MLIP: variants seen among roughly 807,000 people sequenced by gnomAD.
The protein encoded by MLIP is muscular LMNA-interacting protein.
A neutral mutation model predicts 84.8 loss-of-function variants in MLIP; 79 were observed. The ratio of observed to expected loss-of-function variants is 0.93; its 90% CI spans 0.78 to 1.12. MLIP has a LOEUF of 1.12. Ranked by LOEUF, MLIP falls within the 50% of genes most tolerant of loss-of-function variation. The pLI is 0.00. For synonymous variants in MLIP, 504 were observed against 463.0 expected (o/e 1.09, Z -1.14); for missense variants, 1,257 against 1,160.6 (o/e 1.08, Z -1.21).
chr6:54,066,120 TTTTCCTTTA>T, intron 1 of MLIP, among the ~76,000 whole-genome samples: 1 of 99,634 alleles, frequency 1.0e-5, no homozygotes, highest in South Asian at 3.5e-4. Flanking sequence ...TGTTTTTGTA[TTTTCCTTTA>T]AACTGCTGTT....
In MLIP at chr6:54,122,992, C is replaced by T. The variant is rs1263206222; in HGVS notation, c.252+1390C>T. On this transcript the variant is annotated intron_variant, in intron 2 of 13. Coordinates refer to ENST00000502396, the MANE Select transcript of MLIP (RefSeq NM_001281747.2). Reference sequence around the variant, plus strand: ...TGTCGCCCAGGCTAGAGTGCAGTGGCGCGATCTCGGCTCACTGCAAGCTCC... The same window carrying T: ...TGTCGCCCAGGCTAGAGTGCAGTGGTGCGATCTCGGCTCACTGCAAGCTCC... Among the ~76,000 whole-genome samples, 6 of 151,168 alleles carry T rather than the reference C, an allele frequency of 4.0e-5. No homozygotes were observed. The South Asian group carries it at 1.0e-3, about 26-fold the overall frequency.
intron 1 of MLIP, among the ~76,000 whole-genome samples, chr6:54,021,032 A>G (rs181790400): frequency 6.6e-5 from 10 of 152,328 alleles, no homozygotes; most frequent in Admixed American, 2.6e-4. Flanking sequence ...TCTATTTAAG[A>G]GAGTTGGAAA....
intron 8 of MLIP, 130 bp downstream of exon 8, chr6:54,160,929 G>T (rs949145633): frequency 1.9e-5 from 14 of 721,404 alleles, no homozygotes; most frequent in South Asian, 1.9e-5. Flanking sequence ...CTTTTTTGTA[G>T]AATTTTAAAG....
intron 3 of MLIP, among the ~76,000 whole-genome samples, chr6:54,133,225 TA>T (rs1561963804): frequency 6.6e-6 from 1 of 152,132 alleles, no homozygotes; most frequent in African/African-American, 2.4e-5. Flanking sequence ...GATCAGATTT[TA>T]AAAGTTCAAT....
intron 3 of MLIP, among the ~76,000 whole-genome samples, chr6:54,129,282 G>A (rs1210022402): frequency 6.6e-6 from 1 of 152,044 alleles, no homozygotes; most frequent in African/African-American, 2.4e-5. Context: ...TAGCCTTCAT[G>A]TGTCTGTCTT....
intron 5 of MLIP, among the ~76,000 whole-genome samples, chr6:54,149,507 G>T (rs1479062279): frequency 6.6e-6 from 1 of 152,146 alleles, no homozygotes; most frequent in Non-Finnish European, 1.5e-5. Context: ...GGGATTGTTT[G>T]TGAACAGTTG....
chr6:54,237,327 G>T (rs535922028), intron 12 of MLIP, among the ~76,000 whole-genome samples: 1 of 151,934 alleles, frequency 6.6e-6, no homozygotes, highest in East Asian at 2.0e-4. Flanking sequence ...TTGAGGAGAG[G>T]GGGTGGGGCA....
chr6:54,139,473 C>G (rs1223872676), intron 4 of MLIP, among the ~76,000 whole-genome samples: 1 of 152,106 alleles, frequency 6.6e-6, no homozygotes, highest in Non-Finnish European at 1.5e-5. Context: ...ACCAAATATA[C>G]AGAAGATGAT....
rs1405530052 is a variant in MLIP, at chr6:54,064,053, A to C, written c.63+44962A>C. Among the ~76,000 whole-genome samples the C allele has an allele frequency of 2.0e-5, 2 of 100,174 alleles. 1 individual carries two copies. The highest frequency in any genetic ancestry group is 5.3e-4 in the East Asian group (2 of 3,756). The allele number at this position is 100,174 out of a possible 152,430, so 65.7% of individuals were successfully genotyped here. A position where few individuals can be genotyped will look rare whatever the true frequency, so the allele number is the denominator to read the frequency against. ...GATGATCCTTATTTTCTAACTACTA[A>C]AAATTATTGGTTTTAGTTTGGAAAT... On this transcript the variant is annotated intron_variant, in intron 1 of 12. Coordinates refer to the MLIP transcript ENST00000274897.
chr6:54,247,661 C>T (rs1304128499), intron 12 of MLIP, among the ~76,000 whole-genome samples: 1 of 152,036 alleles, frequency 6.6e-6, no homozygotes, highest in Non-Finnish European at 1.5e-5. Flanking sequence ...GGAATGTGGC[C>T]CAATGCCAGG....
chr6:54,186,592 T>C (rs1777418237), intron 9 of MLIP, among the ~76,000 whole-genome samples: 2 of 152,066 alleles, frequency 1.3e-5, no homozygotes, highest in Admixed American at 1.3e-4. Flanking sequence ...TGGGAGAAAA[T>C]GAAGGAGAAG....
chr6:54,215,210 G>A (rs555470687), intron 11 of MLIP: 6 of 1,534,286 alleles, frequency 3.9e-6, no homozygotes, highest in Admixed American at 2.0e-5. Flanking sequence ...TGATCATTGA[G>A]GAACCCTATC....
Position 54,137,041 on chromosome 6 carries a change from T to C in MLIP, c.972T>C (p.Ser324=). ...TAADPKPGLT[S]EVLKKTTLTS... is the part of the protein sequence containing the mutation. ...CAGATCCAAAGCCTGGACTGACCTC[T>C]GAAGTTCTCAAGAAGACAACTTTAA... Residue 324 remains serine, a synonymous_variant, in exon 4 of 14, where the codon TCT becomes TCC. Coordinates refer to ENST00000502396, the MANE Select transcript of MLIP (RefSeq NM_001281747.2). 1 of 1,536,122 alleles carries C rather than the reference T, an allele frequency of 6.5e-7. No individual in the cohort carries two copies. The highest frequency in any genetic ancestry group is 8.7e-7 in the Non-Finnish European group (1 of 1,146,900).
At chr6:54,035,747 G>T (rs1041734578) in intron 1 of MLIP, among the ~76,000 whole-genome samples, 14 of 151,818 alleles carry the variant, frequency 9.2e-5, no homozygotes, top group African/African-American at 2.7e-4. Context: ...GTACTTATTT[G>T]CCATATGTAT....
At chr6:54,146,841 G>A (rs971700532) in intron 4 of MLIP, among the ~76,000 whole-genome samples, 1 of 152,176 alleles carries the variant, frequency 6.6e-6, no homozygotes, top group Non-Finnish European at 1.5e-5. Flanking sequence ...GAAATGAGAA[G>A]CAAGGGCATT....
chr6:54,106,491 C>T (rs545289095), upstream of MLIP, among the ~76,000 whole-genome samples: 9 of 152,206 alleles, frequency 5.9e-5, no homozygotes, highest in Admixed American at 2.6e-4. Flanking sequence ...GGAAAGAAGA[C>T]GATGGCAGGT....
intron 11 of MLIP, among the ~76,000 whole-genome samples, chr6:54,230,231 A>C (rs2150801533): frequency 6.6e-6 from 1 of 152,238 alleles, no homozygotes; most frequent in South Asian, 2.1e-4. Flanking sequence ...TTGTGTCATG[A>C]ACTAAACCTT....
chr6:54,157,568 G>T (rs1244437997), intron 5 of MLIP, among the ~76,000 whole-genome samples: 2 of 152,026 alleles, frequency 1.3e-5, no homozygotes, highest in African/African-American at 4.8e-5. Context: ...TGCATGTTTT[G>T]TGGCATCCCC....
intron 3 of MLIP, among the ~76,000 whole-genome samples, chr6:54,130,479 C>A (rs539175276): frequency 1.2e-3 from 183 of 152,206 alleles, no homozygotes; most frequent in African/African-American, 4.4e-3. Flanking sequence ...AGGGGTTAGA[C>A]CCTCTTCAAG....
Sources: gnomAD v4.1 joint callset for allele counts (sites outside exome capture counted in the v4.1 genomes callset) on GRCh38, gnomAD v4.1.1 for gene constraint, MANE v1.5 for transcripts, NCBI Gene and HGNC (gene_info 2026-07-23, HGNC 2026-07-21) for gene names.